The following BBS9 variants were observed in gnomAD, a reference collection of about 807,000 sequenced individuals.
BBS9 encodes the protein protein PTHB1.
In BBS9, 89 loss-of-function variants were observed where a neutral mutation model predicts 117.7. The ratio of observed to expected loss-of-function variants is 0.76; its 90% CI spans 0.64 to 0.90. BBS9 has a LOEUF of 0.90. BBS9 is among the 40% of genes least tolerant of loss of function. The pLI is 0.00. For synonymous variants in BBS9, 379 were observed against 370.9 expected, an observed-to-expected ratio of 1.02 and a Z score of -0.25; for missense variants, 982 against 1,042.2, an observed-to-expected ratio of 0.94 and a Z score of 0.80.
intron 9 of BBS9, among the ~76,000 whole-genome samples, chr7:33,334,041 C>G (rs1360588726): frequency 6.6e-6 from 1 of 152,154 alleles, no homozygotes; most frequent in Non-Finnish European, 1.5e-5. Context: ...CTCTTTACCA[C>G]TTGAACACGT....
chr7:33,225,411 C>T (rs1485380946), intron 5 of BBS9, among the ~76,000 whole-genome samples: 1 of 152,156 alleles, frequency 6.6e-6, no homozygotes, highest in Admixed American at 6.5e-5. Context: ...GTTGCCCAGG[C>T]TGGTCTTGAA....
chr7:33,553,355 C>A (rs781566553), intron 21 of BBS9, among the ~76,000 whole-genome samples: 1 of 152,076 alleles, frequency 6.6e-6, no homozygotes, highest in Non-Finnish European at 1.5e-5. Flanking sequence ...AATGGGTGTC[C>A]CAAGGAAAGC....
At chr7:33,206,320 T>G (rs1786913796) in intron 5 of BBS9, among the ~76,000 whole-genome samples, 1 of 152,346 alleles carries the variant, frequency 6.6e-6, no homozygotes, top group African/African-American at 2.4e-5. Context: ...ACTATCTAAT[T>G]TAAGCCATTG....
chr7:33,200,956 A>G (rs1417057536), intron 5 of BBS9, among the ~76,000 whole-genome samples: 1 of 152,170 alleles, frequency 6.6e-6, no homozygotes, highest in East Asian at 1.9e-4. Context: ...TGTAAGCTGT[A>G]TGTCCCTGGA....
chr7:33,181,198 G>A (rs1798055850), intron 5 of BBS9, among the ~76,000 whole-genome samples: 1 of 152,164 alleles, frequency 6.6e-6, no homozygotes, highest in African/African-American at 2.4e-5. Flanking sequence ...CTGCCAGAGT[G>A]GACGAAGTGC....
chr7:33,356,666 C>T (rs1436279256), intron 15 of BBS9, among the ~76,000 whole-genome samples: 2 of 151,772 alleles, frequency 1.3e-5, no homozygotes, highest in Non-Finnish European at 3.0e-5. Flanking sequence ...TCTCACTATC[C>T]TAGTGAATAA....
intron 21 of BBS9, among the ~76,000 whole-genome samples, chr7:33,547,675 A>G (rs1853634615): frequency 6.6e-6 from 1 of 152,204 alleles, no homozygotes; most frequent in African/African-American, 2.4e-5. Context: ...TGCAATAGCC[A>G]TTGTGGAAAG....
intron 18 of BBS9, 48 bp from the exon 19 acceptor site, chr7:33,387,944 T>A (rs1563102747): frequency 3.8e-6 from 6 of 1,584,918 alleles, no homozygotes; most frequent in Non-Finnish European, 4.3e-6. Flanking sequence ...TCTTTAAAGA[T>A]GTTTTTTGTG....
chr7:33,595,202 T>C (rs1437902653), intron 21 of BBS9, among the ~76,000 whole-genome samples: 1 of 152,146 alleles, frequency 6.6e-6, no homozygotes, highest in Non-Finnish European at 1.5e-5. Flanking sequence ...TGGGATTTAA[T>C]TAAACTAAAG....
chr7:33,148,621 A>T (rs976864730), intron 2 of BBS9, among the ~76,000 whole-genome samples: 8 of 149,082 alleles, frequency 5.4e-5, no homozygotes, highest in African/African-American at 2.0e-4. Context: ...CCTCGGCCTC[A>T]CAAAGTGCTG....
intron 20 of BBS9, among the ~76,000 whole-genome samples, chr7:33,528,319 G>T (rs531334742): frequency 1.3e-5 from 2 of 151,366 alleles, no homozygotes; most frequent in South Asian, 2.1e-4. Context: ...CTTTTAACAG[G>T]TCTCGTGGTT....
At chr7:33,494,071 A>T (rs891500740) in intron 19 of BBS9, among the ~76,000 whole-genome samples, 3 of 152,086 alleles carry the variant, frequency 2.0e-5, no homozygotes, top group African/African-American at 7.2e-5. Flanking sequence ...TTTGCTGCTG[A>T]TGAGAAGGAT....
intron 21 of BBS9, among the ~76,000 whole-genome samples, chr7:33,574,037 A>G (rs901287578): frequency 6.6e-6 from 1 of 152,142 alleles, no homozygotes; most frequent in African/African-American, 2.4e-5. Context: ...TCCATTGTGC[A>G]TGTGGGGTCC....
At chr7:33,272,246 CA>C (rs1480181938) in intron 7 of BBS9, among the ~76,000 whole-genome samples, 3 of 152,144 alleles carry the variant, frequency 2.0e-5, no homozygotes, top group African/African-American at 7.2e-5. Context: ...ATAACTATCA[CA>C]TACTACGCTT....
intron 19 of BBS9, among the ~76,000 whole-genome samples, chr7:33,410,515 C>T (rs1259002025): frequency 2.0e-5 from 3 of 152,166 alleles, no homozygotes; most frequent in African/African-American, 7.2e-5. Context: ...CAGGAGACAA[C>T]CTTATATTCT....
intron 9 of BBS9, among the ~76,000 whole-genome samples, chr7:33,327,067 G>C (rs531429724): frequency 1.3e-5 from 2 of 152,238 alleles, no homozygotes; most frequent in African/African-American, 4.8e-5. Flanking sequence ...CCCAGGAATT[G>C]TGGTTCTTGT....
chr7:33,580,428 T>A (rs753619035), intron 21 of BBS9, among the ~76,000 whole-genome samples: 4 of 152,082 alleles, frequency 2.6e-5, no homozygotes, highest in Non-Finnish European at 4.4e-5. Flanking sequence ...GTAGAAGTAA[T>A]TTTATAGAAG....
At chr7:33,571,295 T>C (rs1857741975) in intron 21 of BBS9, among the ~76,000 whole-genome samples, 1 of 152,078 alleles carries the variant, frequency 6.6e-6, no homozygotes, top group Non-Finnish European at 1.5e-5. Context: ...ACTTTTATAA[T>C]TTAGGTATGT....
intron 19 of BBS9, among the ~76,000 whole-genome samples, chr7:33,500,690 G>A (rs1262244471): frequency 6.6e-6 from 1 of 152,212 alleles, no homozygotes; most frequent in Non-Finnish European, 1.5e-5. Context: ...AGATTCAATG[G>A]TAAGTTTAGG....
Sources: allele counts gnomAD v4.1 joint callset (sites outside exome capture counted in the v4.1 genomes callset), GRCh38; gene constraint gnomAD v4.1.1; transcripts MANE v1.5; gene names NCBI Gene and HGNC (gene_info 2026-07-23, HGNC 2026-07-21).